FAT1: variants seen among roughly 807,000 people sequenced by gnomAD.
FAT1 encodes FAT atypical cadherin 1, also known as protocadherin Fat 1.
In FAT1, 171 loss-of-function variants were observed where a neutral mutation model predicts 329.8. The observed-to-expected ratio is 0.52, with a 90% CI of 0.46 to 0.59. The LOEUF (loss-of-function observed/expected upper bound fraction) is 0.59, where lower values mean the gene tolerates loss of function less well. Ranked by LOEUF, FAT1 falls within the 20% of genes least tolerant of loss-of-function variation. The probability of loss-of-function intolerance (pLI) is 0.00; values close to 1 mark genes in which losing one functional copy is unlikely to be tolerated. For missense variants in FAT1, 5,672 were observed against 5,774.4 expected (o/e 0.98, Z 0.57); for synonymous variants, 2,233 against 2,228.6 (o/e 1.00, Z -0.06).
At chr4:186,635,246 G>C (rs1740773044) in intron 6 of FAT1, among the ~76,000 whole-genome samples, 1 of 152,086 alleles carries the variant, frequency 6.6e-6, no homozygotes, top group Non-Finnish European at 1.5e-5. Context: ...CCCCCCCAGA[G>C]AGATGAATCG....
rs773367684 is a variant in FAT1, at chr4:186,708,390, T to C, written c.1438A>G (p.Thr480Ala). The stretch of plus-strand genomic sequence containing the variant: ...ACGGCACTCAGGCTCATGACAGTAG[T>C]ACCAATGGGCACGTTCTCATCAAAA... ...AAFDENVPIG[T>A]TVMSLSAVDP... Residue 480 changes from threonine (T) to alanine (A), a missense_variant, in exon 2 of 27, where the codon ACT (threonine) becomes GCT (alanine). Around this residue, in one of 2 missense-constraint regions of FAT1, gnomAD observed 3,966 missense variants for 3,915.2 expected, o/e 1.01. Transcript: ENST00000441802. The C allele has an allele frequency of 1.9e-5, 30 of 1,613,958 alleles. No individual in the cohort carries two copies. In the South Asian group the frequency reaches 3.0e-4, roughly 16 times the overall value.
At chr4:186,691,602 C>T (rs564685670) in intron 2 of FAT1, among the ~76,000 whole-genome samples, 3 of 151,912 alleles carry the variant, frequency 2.0e-5, no homozygotes, top group African/African-American at 2.4e-5. Context: ...CTGAGGAGTT[C>T]GAGACCAGCC....
Position 186,709,838 on chromosome 4 carries a change from T to A in FAT1, c.-11A>T, listed in dbSNP as rs2126707080. 6.3e-7 allele frequency: 1 copy of A among 1,581,808 alleles called. No individual in the cohort carries two copies. The highest frequency in any genetic ancestry group is 8.6e-7 in the Non-Finnish European group (1 of 1,160,358). Reference sequence around the variant, plus strand: ...CAAATGTCTCCCCATTGCTTAACTGTCGGGAATCTGAAACAGAAGAAATCA... The same window carrying A: ...CAAATGTCTCCCCATTGCTTAACTGACGGGAATCTGAAACAGAAGAAATCA... On this transcript the variant is annotated 5_prime_UTR_variant, in exon 2 of 27. Coordinates refer to ENST00000441802, the MANE Select transcript of FAT1 (RefSeq NM_005245.4).
intron 2 of FAT1, among the ~76,000 whole-genome samples, chr4:186,667,421 T>C (rs1418371663): frequency 2.0e-5 from 3 of 152,226 alleles, no homozygotes; most frequent in Non-Finnish European, 2.9e-5. Context: ...GCAATTAAAA[T>C]AGTAAGTATG....
chr4:186,646,452 C>T (rs1477006793), intron 3 of FAT1, among the ~76,000 whole-genome samples: 2 of 152,212 alleles, frequency 1.3e-5, no homozygotes, highest in East Asian at 3.9e-4. Context: ...TTGCACTGTC[C>T]AATATGGTAG....
At chr4:186,637,645 T>C (rs536301975) in intron 4 of FAT1, among the ~76,000 whole-genome samples, 77 of 152,366 alleles carry the variant, frequency 5.1e-4, no homozygotes, top group African/African-American at 1.8e-3. Flanking sequence ...ACTGTTTCTA[T>C]GTCCCTAAGA....
At position 186,708,223 on chromosome 4, in the gene FAT1, A is replaced by G; in HGVS notation, c.1605T>C (p.Thr535=). ...CCCAGTCTGATGCACGAATCCTCAG[A>G]GTATAAACCCGAGGCATCAGTTCGT... ...LDYELMPRVY[T]LRIRASDWGL... The change falls in exon 2 of 27, where the codon ACT becomes ACC. Residue 535 remains threonine (T), a synonymous_variant. Transcript: ENST00000441802. The G allele has an allele frequency of 6.2e-7, 1 of 1,613,994 alleles. No individual in the cohort carries two copies. Among genetic ancestry groups the G allele is most frequent in the Non-Finnish European group, 8.5e-7 (1 of 1,179,886 alleles).
At chr4:186,654,319 G>A (rs1741805241) in intron 3 of FAT1, among the ~76,000 whole-genome samples, 1 of 152,214 alleles carries the variant, frequency 6.6e-6, no homozygotes, top group African/African-American at 2.4e-5. Context: ...ATGTTCCTCT[G>A]ACTCCTAACG....
At chr4:186,589,291 T>G (rs1478591112) in intron 26 of FAT1, 71 bp from the exon 27 acceptor site, 2 of 1,483,072 alleles carry the variant, frequency 1.3e-6, no homozygotes, top group East Asian at 2.3e-5. Context: ...GAGAGCTCAG[T>G]GTATCAAAGA....
chr4:186,655,965 G>GA, intron 3 of FAT1, among the ~76,000 whole-genome samples: 1 of 152,340 alleles, frequency 6.6e-6, no homozygotes, highest in East Asian at 1.9e-4. Flanking sequence ...GAAAGTACCT[G>GA]CAAAGGCAGT....
At position 186,672,486 on chromosome 4, in the gene FAT1, T is replaced by G. The variant is rs568671622; in HGVS notation, c.3266-8873A>C. ...ACCCAATCTTTCAAAACCAGTGATG[T>G]GCCATGAGTGCCATTTTGTGAGAAG... On this transcript the variant is annotated intron_variant, in intron 2 of 26. Transcript: ENST00000441802. Among the ~76,000 whole-genome samples the G allele has an allele frequency of 3.9e-5, 6 of 152,260 alleles. No homozygotes were observed. The East Asian group carries it at 9.7e-4, about 25-fold the overall frequency.
At chr4:186,597,657 C>T (rs201796025) in intron 24 of FAT1, 25 bp downstream of exon 24, 1 of 1,576,478 alleles carries the variant, frequency 6.3e-7, no homozygotes, top group African/African-American at 1.3e-5. Flanking sequence ...AGGTATGAAC[C>T]TAAATTTTGA....
chr4:186,632,893 C>G (rs1740658976), intron 7 of FAT1, among the ~76,000 whole-genome samples: 1 of 152,228 alleles, frequency 6.6e-6, no homozygotes, highest in South Asian at 2.1e-4. Context: ...TATAAACAAG[C>G]CTTTAGCTTC....
At chr4:186,700,294 C>G (rs989227145) in intron 2 of FAT1, among the ~76,000 whole-genome samples, 2 of 152,140 alleles carry the variant, frequency 1.3e-5, no homozygotes, top group Non-Finnish European at 2.9e-5. Flanking sequence ...GCATTTTTAC[C>G]GATTAAATCA....
Position 186,620,204 on chromosome 4 carries a change from G to C in FAT1, c.6382C>G (p.Gln2128Glu), listed in dbSNP as rs367573644. Reference protein sequence around the residue: ...YYLKEHHEHFQIGPLGEISLK... With the variant: ...YYLKEHHEHFEIGPLGEISLK... ...GAAATTTCACCCAAGGGTCCAATTTGAAAGTGTTCATGATGTTCCTTGAGG... is the reference window on the plus strand; with the variant it reads ...GAAATTTCACCCAAGGGTCCAATTTCAAAGTGTTCATGATGTTCCTTGAGG... Residue 2128 changes from glutamine to glutamate, a missense_variant, in exon 10 of 27, where the codon CAA becomes GAA. Physicochemically the swap from Gln to Glu is conservative, Grantham distance 29 (BLOSUM62 2). Transcript: ENST00000441802. 29 of 1,614,016 alleles carry C rather than the reference G, an allele frequency of 1.8e-5. No homozygotes were observed. Among genetic ancestry groups the C allele is most frequent in the Non-Finnish European group, 2.2e-5 (26 of 1,179,898 alleles).
chr4:186,657,331 A>G (rs1410144664), intron 3 of FAT1, among the ~76,000 whole-genome samples: 1 of 152,380 alleles, frequency 6.6e-6, no homozygotes, highest in Non-Finnish European at 1.5e-5. Flanking sequence ...GATACACGCC[A>G]AAACATGCAT....
At chr4:186,623,075 G>A (rs142762915) in intron 9 of FAT1, among the ~76,000 whole-genome samples, 3 of 152,242 alleles carry the variant, frequency 2.0e-5, no homozygotes, top group African/African-American at 4.8e-5. Context: ...AAAAATCCAC[G>A]GCCATTTTTT....
rs1249877296 is a variant in FAT1 at position 186,587,901 on chromosome 4, T to C, written c.*691A>G. ...ACAAATATACAGACACTATAAAAAC[T>C]GTGTCATGGTGGTTTTGGTTCTAAA... On this transcript the variant is annotated 3_prime_UTR_variant, in exon 27 of 27. Coordinates refer to ENST00000441802, the MANE Select transcript of FAT1 (RefSeq NM_005245.4). 9.2e-6 allele frequency: 2 copies of C among 217,568 alleles called. No homozygotes were observed. Among genetic ancestry groups the C allele is most frequent in the Non-Finnish European group, 1.8e-5 (2 of 108,158 alleles). 13.5% of individuals were successfully genotyped at this position (217,568 alleles called of 1,614,324 possible). A position where few individuals can be genotyped will look rare whatever the true frequency, so the allele number is the denominator to read the frequency against.
chr4:186,659,569 C>T lies in FAT1; in HGVS notation c.3580+3730G>A, dbSNP rs563721950. ...AGAGGAAGCGGCTGTGGCACCTGTCCCCTGAACGACGCTGGGCGCTCCTGC... is the reference window on the plus strand; with the variant it reads ...AGAGGAAGCGGCTGTGGCACCTGTCTCCTGAACGACGCTGGGCGCTCCTGC... On this transcript the variant is annotated intron_variant, in intron 3 of 26. Coordinates refer to ENST00000441802, the MANE Select transcript of FAT1 (RefSeq NM_005245.4). 2.0e-5 allele frequency among the ~76,000 whole-genome samples: 3 copies of T among 152,074 alleles called. No homozygotes were observed. The East Asian group carries it at 5.8e-4, about 29-fold the overall frequency.
Sources: gnomAD v4.1 joint callset for allele counts (sites outside exome capture counted in the v4.1 genomes callset) on GRCh38, gnomAD v4.1.1 for gene constraint, gnomAD v4.1.1 regional missense constraint, MANE v1.5 for transcripts, NCBI Gene and HGNC (gene_info 2026-07-23, HGNC 2026-07-21) for gene names.